Variants in MKLN1 observed in about 807,000 individuals in gnomAD.
MKLN1 encodes the protein muskelin.
Under a neutral mutation model 99.0 loss-of-function variants are expected in MKLN1, and 18 were observed. The ratio of observed to expected loss-of-function variants is 0.18; its 90% confidence interval spans 0.13 to 0.27. The LOEUF (loss-of-function observed/expected upper bound fraction) is 0.27. MKLN1 is among the 10% of genes least tolerant of loss of function. The pLI is 1.00. For synonymous variants in MKLN1, 288 were observed against 293.2 expected (o/e 0.98, Z 0.18); for missense variants, 621 against 875.9 (o/e 0.71, Z 3.67).
intron 1 of MKLN1, among the ~76,000 whole-genome samples, chr7:131,343,106 G>A (rs1799454082): frequency 6.6e-6 from 1 of 152,236 alleles, no homozygotes; most frequent in Non-Finnish European, 1.5e-5. Flanking sequence ...TAAGGCTTAA[G>A]GGGAGACTTT....
At chr7:131,451,028 A>G (rs896369988) in intron 12 of MKLN1, among the ~76,000 whole-genome samples, 5 of 152,222 alleles carry the variant, frequency 3.3e-5, no homozygotes, top group African/African-American at 4.8e-5. Context: ...CATCAGAACC[A>G]TGGTATATTA....
intron 2 of MKLN1, among the ~76,000 whole-genome samples, chr7:131,149,743 T>A (rs566800680): frequency 6.6e-6 from 1 of 152,230 alleles, no homozygotes; most frequent in South Asian, 2.1e-4. Context: ...TCTCAGTTTT[T>A]CAAACATGTA....
At chr7:131,150,667 C>A (rs565988649) in intron 2 of MKLN1, among the ~76,000 whole-genome samples, 2 of 151,946 alleles carry the variant, frequency 1.3e-5, no homozygotes, top group South Asian at 4.2e-4. Flanking sequence ...CAGATGGACC[C>A]AAATCAAAAT....
intron 3 of MKLN1, among the ~76,000 whole-genome samples, chr7:131,320,096 A>T (rs528312046): frequency 6.6e-6 from 1 of 152,302 alleles, no homozygotes; most frequent in East Asian, 1.9e-4. Context: ...TTAATATGGA[A>T]CCAAGAAAGA....
chr7:131,391,932 T>A (rs1424018200), intron 4 of MKLN1, among the ~76,000 whole-genome samples: 1 of 152,200 alleles, frequency 6.6e-6, no homozygotes, highest in Non-Finnish European at 1.5e-5. Flanking sequence ...AGAAGGACAG[T>A]TGGCCTTAGA....
intron 2 of MKLN1, among the ~76,000 whole-genome samples, chr7:131,189,535 C>CA (rs58453306): frequency 0.19 from 24,871 of 129,754 alleles, 2,428 homozygotes; most frequent in Non-Finnish European, 0.26. Flanking sequence ...AAAAAACAAA[C>CA]AAAAAAAAAA....
intron 3 of MKLN1, among the ~76,000 whole-genome samples, chr7:131,276,448 G>C (rs185439765): frequency 4.6e-5 from 7 of 152,280 alleles, no homozygotes; most frequent in Admixed American, 4.6e-4. Flanking sequence ...GAATTTCCAG[G>C]CATGGGAGAA....
intron 3 of MKLN1, among the ~76,000 whole-genome samples, chr7:131,232,089 G>C (rs1797252493): frequency 6.6e-6 from 1 of 152,070 alleles, no homozygotes; most frequent in Non-Finnish European, 1.5e-5. Flanking sequence ...ATTTGGATCA[G>C]TGATTGATTT....
At chr7:131,387,064 T>C in intron 2 of MKLN1, 56 bp from the exon 3 acceptor site, 5 of 1,477,528 alleles carry the variant, frequency 3.4e-6, no homozygotes, top group Non-Finnish European at 4.6e-6. Flanking sequence ...GTTTTAAAGT[T>C]GTCTAACATT....
chr7:131,456,199 T>C (rs928737459), intron 12 of MKLN1, among the ~76,000 whole-genome samples: 1 of 152,252 alleles, frequency 6.6e-6, no homozygotes, highest in Admixed American at 6.5e-5. Flanking sequence ...GTTTTTTTTG[T>C]TTTTTGATAA....
intron 7 of MKLN1, 28 bp downstream of exon 7, chr7:131,411,411 C>G (rs1563334790): frequency 7.0e-7 from 1 of 1,421,524 alleles, no homozygotes; most frequent in Non-Finnish European, 9.9e-7. Flanking sequence ...GATTGTAGTT[C>G]TTTTTCATTA....
chr7:131,412,988 GCAAA>G (rs936063101), intron 7 of MKLN1, among the ~76,000 whole-genome samples: 16 of 152,226 alleles, frequency 1.1e-4, no homozygotes, highest in African/African-American at 3.6e-4. Flanking sequence ...ACATATTATA[GCAAA>G]CAGACAGTAA....
chr7:131,130,027 T>C lies in MKLN1; in HGVS notation c.-418-12793T>C, dbSNP rs188951895. On this transcript the variant is annotated intron_variant, in intron 1 of 7. Coordinates refer to the MKLN1 transcript ENST00000416992. ...AGTTAAGTTCACTTCGATAGACATG[T>C]GTGTTCTTATAGTCTGGATAAAGAA... 2.0e-3 allele frequency among the ~76,000 whole-genome samples: 303 copies of C among 152,372 alleles called. 2 individuals are homozygous for C. Among genetic ancestry groups the C allele is most frequent in the African/African-American group, 6.7e-3 (279 of 41,590 alleles).
intron 4 of MKLN1, 54 bp from the exon 5 acceptor site, chr7:131,397,213 T>G (rs1794386222): frequency 8.3e-7 from 1 of 1,208,346 alleles, no homozygotes; most frequent in African/African-American, 1.5e-5. Context: ...TGCTAAAGTT[T>G]TATTTGAACT....
At chr7:131,409,894 A>T (rs923738950) in intron 6 of MKLN1, among the ~76,000 whole-genome samples, 1 of 152,106 alleles carries the variant, frequency 6.6e-6, no homozygotes, top group African/African-American at 2.4e-5. Flanking sequence ...TATAGAATTG[A>T]CTGCATTCTT....
chr7:131,160,205 G>A (rs1796026095), intron 2 of MKLN1, among the ~76,000 whole-genome samples: 1 of 152,024 alleles, frequency 6.6e-6, no homozygotes. Context: ...TTCTTTCACT[G>A]AGCATAATGT....
upstream of MKLN1, chr7:131,326,671 T>G (rs1798897447): frequency 6.6e-6 from 1 of 152,180 alleles, no homozygotes; most frequent in Non-Finnish European, 1.5e-5. Context: ...CTTTTTTGAT[T>G]TGATATCCTA....
chr7:131,399,748 A>G (rs184864764), intron 6 of MKLN1, among the ~76,000 whole-genome samples: 73 of 152,338 alleles, frequency 4.8e-4, no homozygotes, highest in African/African-American at 1.6e-3. Context: ...TTGGTAGCCA[A>G]TATTCATTAA....
Position 131,464,275 on chromosome 7 carries a change from TA to T in MKLN1, c.1674-15del. ...TTGCTGCTAATTCTCTAGAATGCCT[TA>T]AAAGCAATGTCTTGCAGGTCTTGTG... On this transcript the variant is annotated intron_variant, in intron 13 of 17. Coordinates refer to ENST00000352689, the MANE Select transcript of MKLN1 (RefSeq NM_013255.5). 6.7e-7 allele frequency: 1 copy of T among 1,495,380 alleles called. No homozygotes were observed. Among genetic ancestry groups the T allele is most frequent in the Non-Finnish European group, 9.3e-7 (1 of 1,075,632 alleles). The allele number at this position is 1,495,380 out of a possible 1,614,324, so 92.6% of individuals were successfully genotyped here. A position where few individuals can be genotyped will look rare whatever the true frequency, so the allele number is the denominator to read the frequency against.
Sources: allele counts gnomAD v4.1 joint callset (sites outside exome capture counted in the v4.1 genomes callset), GRCh38; gene constraint gnomAD v4.1.1; transcripts MANE v1.5; gene names NCBI Gene and HGNC (gene_info 2026-07-23, HGNC 2026-07-21).